ASXL2: variants seen among roughly 807,000 people sequenced by gnomAD.
ASXL2 encodes putative Polycomb group protein ASXL2.
ASXL2 carries 23 observed loss-of-function variants against 122.0 expected under a neutral mutation model. The ratio of observed to expected loss-of-function variants is 0.19; its 90% CI spans 0.14 to 0.27. ASXL2 has a LOEUF of 0.27. ASXL2 is among the 10% of genes least tolerant of loss of function. The pLI, the probability that ASXL2 is intolerant of heterozygous loss-of-function variation, is 1.00. For missense variants in ASXL2, 1,518 were observed against 1,713.8 expected (o/e 0.89, Z 2.02); for synonymous variants, 650 against 637.0 (o/e 1.02, Z -0.31).
intron 2 of ASXL2, among the ~76,000 whole-genome samples, chr2:25,836,104 A>C (rs2089507805): frequency 6.6e-6 from 1 of 152,164 alleles, no homozygotes. Context: ...TGCAACTAAC[A>C]GATAGGGAAG....
chr2:25,856,574 G>A (rs2089781334), intron 1 of ASXL2: 1 of 1,164,894 alleles, frequency 8.6e-7, no homozygotes, highest in East Asian at 2.5e-5. Flanking sequence ...CCAAGGGGTA[G>A]GGGGCGCCAG....
chr2:25,820,895 G>A (rs1205412607), intron 3 of ASXL2, among the ~76,000 whole-genome samples: 3 of 152,216 alleles, frequency 2.0e-5, no homozygotes, highest in Admixed American at 6.5e-5. Context: ...GGCCAGGCGC[G>A]GTGGCTCACG....
chr2:25,878,051 G>C (rs1180514456), intron 1 of ASXL2, 115 bp downstream of exon 1: 6 of 1,318,838 alleles, frequency 4.5e-6, no homozygotes, highest in Non-Finnish European at 6.5e-6. Flanking sequence ...CTCTCCGCGC[G>C]GTTTTGTGCC....
chr2:25,804,231 A>G (rs1223638436), intron 4 of ASXL2, among the ~76,000 whole-genome samples: 4 of 152,198 alleles, frequency 2.6e-5, no homozygotes, highest in Admixed American at 2.6e-4. Context: ...CTCAAAGCTA[A>G]AAGGTAACAC....
At chr2:25,855,616 A>T (rs1238754262) in intron 1 of ASXL2, among the ~76,000 whole-genome samples, 1 of 152,126 alleles carries the variant, frequency 6.6e-6, no homozygotes, top group Non-Finnish European at 1.5e-5. Context: ...CAGTGAGCTG[A>T]GATCATGCCA....
intron 1 of ASXL2, among the ~76,000 whole-genome samples, chr2:25,877,038 A>G (rs2090015106): frequency 6.6e-6 from 1 of 152,176 alleles, no homozygotes; most frequent in South Asian, 2.1e-4. Context: ...GTTCTTCTTT[A>G]TACTTTTTTA....
intron 1 of ASXL2, among the ~76,000 whole-genome samples, chr2:25,847,733 A>G (rs1290064501): frequency 6.6e-6 from 1 of 152,236 alleles, no homozygotes; most frequent in Non-Finnish European, 1.5e-5. Context: ...GATCACAACC[A>G]TATGAAAAAG....
At position 25,767,746 on chromosome 2, in the gene ASXL2, A is replaced by G. The variant is rs1048310624; in HGVS notation, c.632-20T>C. The G allele has an allele frequency of 1.9e-6, 3 of 1,613,188 alleles. No homozygotes were observed. The highest frequency in any genetic ancestry group is 2.5e-6 in the Non-Finnish European group (3 of 1,179,366). On this transcript the variant is annotated intron_variant, in intron 7 of 12. Transcript: ENST00000435504. Reference sequence around the variant, plus strand: ...ATGTTGCTAGGAGAAAAAAATACGTATAAAGACTGGTAGCACTGAGATTAT... The same window carrying G: ...ATGTTGCTAGGAGAAAAAAATACGTGTAAAGACTGGTAGCACTGAGATTAT...
At position 25,740,172 on chromosome 2, in the gene ASXL2, G is replaced by A. The variant is rs1347454354; in HGVS notation, c.*1857C>T. 9.0e-6 allele frequency: 2 copies of A among 221,168 alleles called. No individual in the cohort carries two copies. Among genetic ancestry groups the A allele is most frequent in the Non-Finnish European group, 1.8e-5 (2 of 110,614 alleles). The allele number at this position is 221,168 out of a possible 1,614,324, so 13.7% of individuals were successfully genotyped here. On this transcript the variant is annotated 3_prime_UTR_variant, in exon 13 of 13. Coordinates refer to ENST00000435504, the MANE Select transcript of ASXL2 (RefSeq NM_018263.6). The stretch of plus-strand genomic sequence containing the variant: ...GATATTAATCCTATATTGGCCTTGG[G>A]CCACAAAAAAGCCAGAAGTGAAAAG...
At chr2:25,855,222 G>A (rs2089762637) in intron 1 of ASXL2, among the ~76,000 whole-genome samples, 2 of 152,138 alleles carry the variant, frequency 1.3e-5, no homozygotes, top group Admixed American at 1.3e-4. Context: ...AGTGGAGAGG[G>A]TAAAATGATA....
At chr2:25,864,916 C>A (rs1008423005) in intron 1 of ASXL2, among the ~76,000 whole-genome samples, 1 of 151,656 alleles carries the variant, frequency 6.6e-6, no homozygotes, top group African/African-American at 2.4e-5. Context: ...ACTGCAATCT[C>A]CACCTCCTGG....
At chr2:25,834,728 C>T (rs968472500) in intron 3 of ASXL2, among the ~76,000 whole-genome samples, 9 of 152,242 alleles carry the variant, frequency 5.9e-5, no homozygotes, top group African/African-American at 1.9e-4. Context: ...ATCTAAAAGG[C>T]CATGCCCACA....
At chr2:25,849,509 G>A (rs1180578884) in intron 1 of ASXL2, among the ~76,000 whole-genome samples, 1 of 149,032 alleles carries the variant, frequency 6.7e-6, no homozygotes, top group Non-Finnish European at 1.5e-5. Flanking sequence ...GGGTCTCACT[G>A]TATTGCCCAG....
chr2:25,873,374 G>T (rs2089979975), intron 1 of ASXL2, among the ~76,000 whole-genome samples: 1 of 152,058 alleles, frequency 6.6e-6, no homozygotes, highest in Non-Finnish European at 1.5e-5. Context: ...TTGCACCACT[G>T]CTCTCCAGAC....
intron 3 of ASXL2, among the ~76,000 whole-genome samples, chr2:25,807,129 C>G (rs749146095): frequency 6.6e-6 from 1 of 152,060 alleles, no homozygotes; most frequent in East Asian, 1.9e-4. Flanking sequence ...AAATGGAAAC[C>G]GTGGTCTGAA....
intron 5 of ASXL2, among the ~76,000 whole-genome samples, chr2:25,778,958 C>T (rs907076641): frequency 3.3e-5 from 5 of 152,010 alleles, no homozygotes; most frequent in Non-Finnish European, 5.9e-5. Context: ...CAATAGGTTA[C>T]CACTAGTTCT....
chr2:25,865,595 GTC>G (rs1251623893), intron 1 of ASXL2, among the ~76,000 whole-genome samples: 1 of 145,076 alleles, frequency 6.9e-6, no homozygotes, highest in Non-Finnish European at 1.5e-5. Context: ...GTGAGACCCT[GTC>G]TCTACTAAAA....
intron 5 of ASXL2, among the ~76,000 whole-genome samples, chr2:25,775,054 G>A (rs1261215758): frequency 6.6e-6 from 1 of 152,080 alleles, no homozygotes; most frequent in Non-Finnish European, 1.5e-5. Flanking sequence ...AGTTTTTTAT[G>A]TATGCTAGAT....
chr2:25,865,774 C>CAAAAAAA, intron 1 of ASXL2, among the ~76,000 whole-genome samples: 1 of 55,548 alleles, frequency 1.8e-5, no homozygotes, highest in Non-Finnish European at 3.0e-5. Flanking sequence ...GACTCCGTCT[C>CAAAAAAA]AAAAAAAAAA....
Sources: gnomAD v4.1 joint callset for allele counts (sites outside exome capture counted in the v4.1 genomes callset) on GRCh38, gnomAD v4.1.1 for gene constraint, MANE v1.5 for transcripts, NCBI Gene and HGNC (gene_info 2026-07-23, HGNC 2026-07-21) for gene names.